The following CTPS2 variants were observed in gnomAD, a reference collection of about 807,000 sequenced individuals.
CTPS2 encodes the protein CTP synthase II.
CTPS2 carries 19 observed loss-of-function variants against 46.8 expected under a neutral mutation model. That is an observed-to-expected ratio of 0.41 (90% confidence interval 0.28 to 0.60). CTPS2 has a LOEUF of 0.60. Among genes scored for constraint, CTPS2 ranks in the 20% least tolerant of loss-of-function variants. The pLI is 0.35. For synonymous variants in CTPS2, 151 were observed against 165.2 expected (o/e 0.91, Z 0.66); for missense variants, 286 against 447.6 (o/e 0.64, Z 3.26).
intron 13 of CTPS2, chrX:16,654,495 A>G (rs1932772526): frequency 5.1e-6 from 6 of 1,166,161 alleles, no homozygotes; most frequent in Non-Finnish European, 7.0e-6. Flanking sequence ...ATTAGTAAAA[A>G]AGATATCCCA....
At chrX:16,691,473 G>T in intron 7 of CTPS2, 67 bp downstream of exon 7, 1 of 868,222 alleles carries the variant, frequency 1.2e-6, no homozygotes, top group Non-Finnish European at 1.7e-6. Flanking sequence ...GATCATTGAA[G>T]AGGTACAAAA....
chrX:16,669,037 C>T (rs369086688), intron 11 of CTPS2, among the ~76,000 whole-genome samples: 42 of 111,387 alleles, frequency 3.8e-4, no homozygotes, highest in Admixed American at 1.2e-3. Flanking sequence ...GCCTACAGGA[C>T]GTCAGGCTGC....
chrX:16,711,144 G>A (rs1925439370), intron 1 of CTPS2, among the ~76,000 whole-genome samples: 1 of 112,194 alleles, frequency 8.9e-6, no homozygotes, highest in African/African-American at 3.2e-5. Flanking sequence ...AGCCAGGTAC[G>A]TAATTTTAAG....
intron 17 of CTPS2, among the ~76,000 whole-genome samples, chrX:16,594,083 T>C (rs1005059704): frequency 9.0e-6 from 1 of 111,487 alleles, no homozygotes; most frequent in African/African-American, 3.3e-5. Flanking sequence ...ACTTGGCACA[T>C]AGATCCTTCA....
At chrX:16,666,739 G>A (rs7061921) in intron 13 of CTPS2, among the ~76,000 whole-genome samples, 36,810 of 110,509 alleles carry the variant, frequency 0.33, 5,332 homozygotes, top group African/African-American at 0.55. Flanking sequence ...ACAGAGCACA[G>A]TGGCTTTGGG....
intron 16 of CTPS2, among the ~76,000 whole-genome samples, chrX:16,615,050 C>G (rs1930459804): frequency 2.7e-5 from 3 of 111,896 alleles, no homozygotes; most frequent in African/African-American, 9.7e-5. Flanking sequence ...GTGGAACATG[C>G]CTGTAGTCCC....
intron 13 of CTPS2, among the ~76,000 whole-genome samples, chrX:16,665,716 G>A (rs1384800597): frequency 9.0e-6 from 1 of 111,654 alleles, no homozygotes; most frequent in Non-Finnish European, 1.9e-5. Flanking sequence ...GCACAGATCC[G>A]TGAATATGCT....
intron 8 of CTPS2, among the ~76,000 whole-genome samples, chrX:16,686,432 G>A (rs971243876): frequency 9.0e-6 from 1 of 111,129 alleles, no homozygotes; most frequent in East Asian, 2.8e-4. Context: ...AAAGAAATTT[G>A]TCCCCAAAAC....
At chrX:16,636,239 A>G (rs1931739009) in intron 14 of CTPS2, among the ~76,000 whole-genome samples, 1 of 111,395 alleles carries the variant, frequency 9.0e-6, no homozygotes, top group Non-Finnish European at 1.9e-5. Flanking sequence ...TACTAAAAAT[A>G]CAAAAATCAG....
intron 7 of CTPS2, among the ~76,000 whole-genome samples, chrX:16,690,776 A>G (rs1445851669): frequency 1.8e-5 from 2 of 112,331 alleles, no homozygotes; most frequent in Non-Finnish European, 3.8e-5. Flanking sequence ...AGCCCTACAG[A>G]GCAGAGAACC....
chrX:16,702,563 A>G (rs769282829), intron 2 of CTPS2, among the ~76,000 whole-genome samples, 174 bp downstream of exon 2: 1 of 112,048 alleles, frequency 8.9e-6, no homozygotes, highest in Non-Finnish European at 1.9e-5. Flanking sequence ...ATTAATTTGG[A>G]ATGTCATCAG....
At chrX:16,699,821 G>A (rs1924411940) in intron 2 of CTPS2, among the ~76,000 whole-genome samples, 1 of 112,081 alleles carries the variant, frequency 8.9e-6, no homozygotes. Flanking sequence ...TTAATCAGAA[G>A]CCTTTTATAT....
At chrX:16,647,050 A>C (rs913510149) in intron 13 of CTPS2, among the ~76,000 whole-genome samples, 4 of 111,121 alleles carry the variant, frequency 3.6e-5, no homozygotes, top group African/African-American at 6.5e-5. Flanking sequence ...AGTATCTATT[A>C]GTGGATTTTT....
At chrX:16,656,873 G>GT (rs200709483) in intron 13 of CTPS2, among the ~76,000 whole-genome samples, 13,310 of 110,528 alleles carry the variant, frequency 0.12, 616 homozygotes, top group East Asian at 0.16. Context: ...GTTTTTTTGT[G>GT]TTTTTTTGTT....
At position 16,697,248 on chromosome X, in the gene CTPS2, T is replaced by G. The variant is rs148172998; in HGVS notation, c.438+988A>C. 3.1e-4 allele frequency among the ~76,000 whole-genome samples: 34 copies of G among 109,890 alleles called. No individual in the cohort carries two copies. The East Asian group carries it at 8.9e-3, about 29-fold the overall frequency. On this transcript the variant is annotated intron_variant, in intron 4 of 18. Transcript: ENST00000359276. ...GAGCTATACGTGGCTCAGGGGTCACTGCAGAAATACAAACTGAGGCAGCCT... is the reference window on the plus strand; with the variant it reads ...GAGCTATACGTGGCTCAGGGGTCACGGCAGAAATACAAACTGAGGCAGCCT...
chrX:16,699,340 T>C (rs1924380255), intron 2 of CTPS2, among the ~76,000 whole-genome samples: 1 of 111,964 alleles, frequency 8.9e-6, no homozygotes, highest in African/African-American at 3.2e-5. Context: ...AGATTTAGCT[T>C]TTCCAAACTC....
At chrX:16,670,808 T>C in intron 10 of CTPS2, 134 bp from the exon 11 acceptor site, 2 of 414,881 alleles carry the variant, frequency 4.8e-6, no homozygotes, top group Non-Finnish European at 8.2e-6. Flanking sequence ...ACCAATTATA[T>C]GACTTCACAC....
chrX:16,678,974 A>C (rs1922513205), intron 9 of CTPS2, among the ~76,000 whole-genome samples: 1 of 111,477 alleles, frequency 9.0e-6, no homozygotes, highest in Admixed American at 9.6e-5. Flanking sequence ...GTAATGTTCA[A>C]GAAGCCAGCC....
At chrX:16,662,696 G>GTCT (rs1435091322) in intron 13 of CTPS2, among the ~76,000 whole-genome samples, 1 of 89,803 alleles carries the variant, frequency 1.1e-5, no homozygotes, top group Admixed American at 1.2e-4. Context: ...TATCTCCTTA[G>GTCT]TCTTTTTTTT....
Sources: gnomAD v4.1 joint callset for allele counts (sites outside exome capture counted in the v4.1 genomes callset) on GRCh38, gnomAD v4.1.1 for gene constraint, MANE v1.5 for transcripts, NCBI Gene and HGNC (gene_info 2026-07-23, HGNC 2026-07-21) for gene names.